TJP2: variants seen among roughly 807,000 people sequenced by gnomAD.
TJP2 encodes Friedreich ataxia region gene X104 (tight junction protein ZO-2).
In TJP2, 91 loss-of-function variants were observed where a neutral mutation model predicts 133.1. The ratio of observed to expected loss-of-function variants is 0.68; its 90% CI spans 0.58 to 0.81. The LOEUF is 0.81. Among genes scored for constraint, TJP2 ranks in the 40% least tolerant of loss-of-function variants. TJP2 has a pLI of 0.00. For missense variants in TJP2, 1,541 were observed against 1,565.6 expected (o/e 0.98, Z 0.26); for synonymous variants, 592 against 583.4 (o/e 1.01, Z -0.21).
rs1338748739 is a variant in TJP2, at chr9:69,221,335, C to A, written c.791C>A (p.Ala264Asp). 6.9e-6 allele frequency: 11 copies of A among 1,595,476 alleles called. No homozygotes were observed. Among genetic ancestry groups the A allele is most frequent in the South Asian group, 1.1e-5 (1 of 88,796 alleles). The change falls in exon 5 of 23, where the codon GCC becomes GAC. Residue 264 changes from alanine to aspartate, a missense_variant. Coordinates refer to ENST00000377245, the MANE Select transcript of TJP2 (RefSeq NM_004817.4). ...HRAYDPDYERAYSPEYRRGAR... is the reference protein window; with the variant it reads ...HRAYDPDYERDYSPEYRRGAR... ...GCCTACGACCCAGACTACGAGCGGG[C>A]CTACAGCCCGGAGTACAGGCGCGGG... is the stretch of plus-strand genomic sequence containing the variant.
chr9:69,221,509 G>A lies in TJP2; in HGVS notation c.952+13G>A. ...AGAGCGAACGAAGGTAGGCATGCTT[G>A]ATGTGGGAAGAAAAGCACTGTTGTG... On this transcript the variant is annotated intron_variant, in intron 5 of 22. Transcript: ENST00000377245. 1 of 1,599,220 alleles carries A rather than the reference G, an allele frequency of 6.3e-7. No homozygotes were observed. Among genetic ancestry groups the A allele is most frequent in the Non-Finnish European group, 8.5e-7 (1 of 1,172,468 alleles).
At chr9:69,218,502 G>A in intron 4 of TJP2, 143 bp downstream of exon 4, 1 of 714,036 alleles carries the variant, frequency 1.4e-6, no homozygotes, top group Non-Finnish European at 2.6e-6. Context: ...CTTTTGGAGG[G>A]GTGTGAAGAT....
rs373615988 is a variant in TJP2, at chr9:69,253,363, A to G, written c.3407+463A>G. 3.0e-5 allele frequency: 5 copies of G among 168,326 alleles called. No homozygotes were observed. In the East Asian group the frequency reaches 6.6e-4, roughly 22 times the overall value. The allele number at this position is 168,326 out of a possible 1,614,324, so 10.4% of individuals were successfully genotyped here. ...TCTTGGTAAATGCCACACAAACAGT[A>G]GGAATGTTCACAGTGTCTTCCTGTT... On this transcript the variant is annotated intron_variant, in intron 22 of 22. Coordinates refer to ENST00000377245, the MANE Select transcript of TJP2 (RefSeq NM_004817.4).
chr9:69,128,925 A>G (rs1822370211), intron 1 of TJP2, among the ~76,000 whole-genome samples: 2 of 152,222 alleles, frequency 1.3e-5, no homozygotes, highest in Non-Finnish European at 2.9e-5. Context: ...TCCAGTTTCA[A>G]TGGTTTAGAT....
At chr9:69,214,332 C>T (rs1204681163) in intron 2 of TJP2, among the ~76,000 whole-genome samples, 4 of 152,240 alleles carry the variant, frequency 2.6e-5, no homozygotes, top group South Asian at 4.2e-4. Flanking sequence ...GCAATTCACC[C>T]GCCTTGGCCT....
chr9:69,171,544 T>C (rs1467429797), upstream of TJP2, among the ~76,000 whole-genome samples: 3 of 152,160 alleles, frequency 2.0e-5, no homozygotes. Flanking sequence ...TTTTTCCTTC[T>C]TTGTGTCTTA....
At chr9:69,134,171 T>C (rs1305950681) in intron 1 of TJP2, among the ~76,000 whole-genome samples, 1 of 152,148 alleles carries the variant, frequency 6.6e-6, no homozygotes, top group Non-Finnish European at 1.5e-5. Context: ...GACTGTTTGA[T>C]AGGGACCAGC....
chr9:69,202,212 G>C (rs766080871), intron 1 of TJP2, among the ~76,000 whole-genome samples: 1 of 152,208 alleles, frequency 6.6e-6, no homozygotes, highest in Non-Finnish European at 1.5e-5. Context: ...TCTTGTTGCT[G>C]TATCCTTACA....
At chr9:69,178,249 G>A (rs1825240344) in intron 1 of TJP2, among the ~76,000 whole-genome samples, 1 of 152,170 alleles carries the variant, frequency 6.6e-6, no homozygotes, top group Admixed American at 6.5e-5. Flanking sequence ...TACAGGTGGT[G>A]CAGAGAGATA....
chr9:69,178,532 C>G (rs1365812317), intron 1 of TJP2, among the ~76,000 whole-genome samples: 2 of 152,108 alleles, frequency 1.3e-5, no homozygotes, highest in Non-Finnish European at 2.9e-5. Context: ...TTATAGAGAG[C>G]CTGGTATACC....
Position 69,229,044 on chromosome 9 carries a change from G to T in TJP2, c.1454-140G>T. 3.8e-6 allele frequency: 3 copies of T among 783,352 alleles called. No individual in the cohort carries two copies. In the South Asian group the frequency reaches 4.3e-5, roughly 11 times the overall value. The allele number at this position is 783,352 out of a possible 1,614,324, so 48.5% of individuals were successfully genotyped here. On this transcript the variant is annotated intron_variant, in intron 9 of 22. Coordinates refer to ENST00000377245, the MANE Select transcript of TJP2 (RefSeq NM_004817.4). ...ACCTGCTAATACTTCAGAGTTAAAC[G>T]GCACTTTAGAGACTTCTTTTTGTTT...
chr9:69,129,308 C>T (rs1010108833), intron 1 of TJP2, among the ~76,000 whole-genome samples: 2 of 152,018 alleles, frequency 1.3e-5, no homozygotes, highest in Admixed American at 6.6e-5. Context: ...TCCAAGAGTT[C>T]GAGACCAGCC....
intron 2 of TJP2, among the ~76,000 whole-genome samples, chr9:69,161,343 C>A (rs890646762): frequency 6.6e-6 from 1 of 152,152 alleles, no homozygotes; most frequent in Admixed American, 6.5e-5. Flanking sequence ...ATTCTCCTGC[C>A]TCAGCCTCCC....
intron 1 of TJP2, among the ~76,000 whole-genome samples, chr9:69,211,015 C>T (rs1827865631): frequency 6.6e-6 from 1 of 152,214 alleles, no homozygotes; most frequent in South Asian, 2.1e-4. Context: ...TGAGCCACTG[C>T]ACCCAGCCCT....
rs571310536 is a variant in TJP2 at position 69,221,260 on chromosome 9, G to T, written c.716G>T (p.Arg239Leu). 2 of 1,608,066 alleles carry T rather than the reference G, an allele frequency of 1.2e-6. No homozygotes were observed. The highest frequency in any genetic ancestry group is 1.7e-6 in the Non-Finnish European group (2 of 1,177,690). The part of the protein sequence containing the change: ...FGPSRDRDRD[R>L]SRGRSIDQDY... ...CCATCCCGGGACCGGGACCGTGACC[G>T]CAGCCGCGGCCGGAGCATTGACCAG... Residue 239 changes from arginine to leucine, a missense_variant, in exon 5 of 23, where the codon CGC becomes CTC. Coordinates refer to ENST00000377245, the MANE Select transcript of TJP2 (RefSeq NM_004817.4).
At chr9:69,215,898 T>G (rs895826164) in intron 2 of TJP2, among the ~76,000 whole-genome samples, 1 of 152,066 alleles carries the variant, frequency 6.6e-6, no homozygotes, top group Non-Finnish European at 1.5e-5. Context: ...CAAAACTCTG[T>G]CTCTTAAAAA....
chr9:69,227,974 G>T lies in TJP2; in HGVS notation c.1320-7G>T. ...CTTGAGACATTTACGTATGACATGT[G>T]ATTCAGTTCCAGAGAGGACACGCCG... On this transcript the variant is annotated splice_polypyrimidine_tract_variant and splice_region_variant and intron_variant, in intron 8 of 22. Coordinates refer to ENST00000377245, the MANE Select transcript of TJP2 (RefSeq NM_004817.4). 1 of 1,614,198 alleles carries T rather than the reference G, an allele frequency of 6.2e-7. No individual in the cohort carries two copies. The highest frequency in any genetic ancestry group is 8.5e-7 in the Non-Finnish European group (1 of 1,180,034).
chr9:69,143,657 T>C (rs1823099013), intron 1 of TJP2, among the ~76,000 whole-genome samples: 1 of 152,234 alleles, frequency 6.6e-6, no homozygotes, highest in African/African-American at 2.4e-5. Context: ...TTTTTTACTT[T>C]ATTGTGGTCA....
chr9:69,193,221 T>G (rs911646283), intron 1 of TJP2, among the ~76,000 whole-genome samples: 2 of 152,104 alleles, frequency 1.3e-5, no homozygotes, highest in East Asian at 3.9e-4. Context: ...TGGCTTTTAT[T>G]GTAATTTTTA....
Sources: gnomAD v4.1 joint callset for allele counts (sites outside exome capture counted in the v4.1 genomes callset) on GRCh38, gnomAD v4.1.1 for gene constraint, MANE v1.5 for transcripts, NCBI Gene and HGNC (gene_info 2026-07-23, HGNC 2026-07-21) for gene names.